DCAF6: variants seen among roughly 807,000 people sequenced by gnomAD.
DCAF6 encodes DDB1 and CUL4 associated factor 6.
Under a neutral mutation model 125.1 loss-of-function variants are expected in DCAF6, and 54 were observed. The observed-to-expected ratio is 0.43, with a 90% CI of 0.35 to 0.54. The LOEUF is 0.54. DCAF6 is among the 20% of genes least tolerant of loss of function. DCAF6 has a pLI of 0.01. For synonymous variants in DCAF6, 371 were observed against 390.4 expected (o/e 0.95, Z 0.58); for missense variants, 934 against 1,161.7 (o/e 0.80, Z 2.85).
chr1:167,874,112 A>G, the DCAF6 span, among the ~76,000 whole-genome samples: 1 of 152,210 alleles, frequency 6.6e-6, no homozygotes, highest in Non-Finnish European at 1.5e-5. Context: ...CAAGTGGATC[A>G]CTTGAAGTTA....
chr1:167,928,691 C>CAATG, the DCAF6 span, among the ~76,000 whole-genome samples: 1 of 152,140 alleles, frequency 6.6e-6, no homozygotes, highest in South Asian at 2.1e-4. Context: ...ATGTTCTGTA[C>CAATG]AATGACACAG....
intron 12 of DCAF6, among the ~76,000 whole-genome samples, chr1:168,030,032 C>T (rs1014632913): frequency 3.3e-5 from 5 of 151,700 alleles, no homozygotes; most frequent in African/African-American, 9.7e-5. Context: ...AGCTAGTAAG[C>T]GTTAGAAACG....
At chr1:167,977,933 C>A (rs1678503637) in intron 4 of DCAF6, among the ~76,000 whole-genome samples, 1 of 152,112 alleles carries the variant, frequency 6.6e-6, no homozygotes, top group African/African-American at 2.4e-5. Flanking sequence ...CTGGAGTTTT[C>A]TGTTTTTTCT....
the DCAF6 span, among the ~76,000 whole-genome samples, chr1:167,925,494 CAT>C: frequency 1.4e-4 from 18 of 125,216 alleles, no homozygotes; most frequent in Non-Finnish European, 2.0e-4. Context: ...TATACACACA[CAT>C]ATATATATAC....
rs188396084 is a variant in DCAF6 at position 167,973,145 on chromosome 1, A to G, written c.253-1685A>G. Among the ~76,000 whole-genome samples the G allele has an allele frequency of 1.5e-4, 23 of 152,320 alleles. No individual in the cohort carries two copies. The East Asian group carries it at 3.5e-3, about 23-fold the overall frequency. ...AAGAACATGATATTTATCTTGTTTAAAGGCTTTACGTTAATTACTCTCTCT... is the reference window on the plus strand; with the variant it reads ...AAGAACATGATATTTATCTTGTTTAGAGGCTTTACGTTAATTACTCTCTCT... On this transcript the variant is annotated intron_variant, in intron 3 of 21. Transcript: ENST00000367840.
chr1:168,001,708 G>A (rs953177805), intron 7 of DCAF6, among the ~76,000 whole-genome samples: 1 of 152,086 alleles, frequency 6.6e-6, no homozygotes, highest in South Asian at 2.1e-4. Context: ...AGAGAAAATG[G>A]ATGTAGGTAT....
At chr1:167,869,844 A>C in the DCAF6 span, among the ~76,000 whole-genome samples, 3 of 151,838 alleles carry the variant, frequency 2.0e-5, no homozygotes, top group African/African-American at 7.3e-5. Flanking sequence ...AGCTGATTAA[A>C]GCCACTCCCT....
intron 1 of DCAF6, among the ~76,000 whole-genome samples, chr1:167,949,393 C>G (rs775599904): frequency 2.6e-5 from 4 of 152,200 alleles, no homozygotes; most frequent in Non-Finnish European, 4.4e-5. Flanking sequence ...ATATTTGCAC[C>G]CAACACTGGA....
Position 167,936,988 on chromosome 1 carries a change from G to T in DCAF6, c.77G>T (p.Arg26Leu), listed in dbSNP as rs765393339. ...TCCCTCGGGCTGGAGGACCCGTCCC[G>T]GCTGCGGAGTCGCTACCTGGGTGAG... ...KRSLGLEDPS[R>L]LRSRYLGRRE... is the part of the protein sequence containing the mutation. Residue 26 changes from arginine (R) to leucine (L), a missense_variant, in exon 1 of 22, where the codon CGG (arginine) becomes CTG (leucine). Physicochemically the swap from Arg to Leu is moderately radical, Grantham distance 102. This residue lies in a region of DCAF6 where 309 missense variants were observed against 381.2 expected (regional missense o/e 0.81). Coordinates refer to ENST00000367840, the MANE Select transcript of DCAF6 (RefSeq NM_001198956.2). The T allele has an allele frequency of 4.3e-6, 7 of 1,610,332 alleles. No homozygotes were observed. The highest frequency in any genetic ancestry group is 2.2e-5 in the East Asian group (1 of 44,782).
At chr1:167,999,757 G>A (rs1000195424) in intron 7 of DCAF6, among the ~76,000 whole-genome samples, 6 of 152,234 alleles carry the variant, frequency 3.9e-5, no homozygotes, top group African/African-American at 1.4e-4. Flanking sequence ...TCTGGGTTAG[G>A]CTTTAGCTTA....
chr1:168,068,572 A>G lies in DCAF6; in HGVS notation c.2791+109A>G. On this transcript the variant is annotated intron_variant, in intron 21 of 21. Coordinates refer to ENST00000367840, the MANE Select transcript of DCAF6 (RefSeq NM_001198956.2). ...ATATATTTTTTAATATCACAAAATG[A>G]GGGTAGCTTAACTTCTAAACTAGGA... 3 of 503,524 alleles carry G rather than the reference A, an allele frequency of 6.0e-6. No homozygotes were observed. The African/African-American group carries it at 6.0e-5, about 10-fold the overall frequency. 31.2% of individuals were successfully genotyped at this position (503,524 alleles called of 1,614,324 possible).
intron 5 of DCAF6, among the ~76,000 whole-genome samples, chr1:167,990,250 C>T (rs1350333015): frequency 6.6e-6 from 1 of 151,990 alleles, no homozygotes; most frequent in Non-Finnish European, 1.5e-5. Context: ...CACCTGTAGT[C>T]CTAGCCACTT....
In DCAF6 at chr1:168,008,852, C is replaced by G. The variant is rs113187924; in HGVS notation, c.1378+4059C>G. On this transcript the variant is annotated intron_variant, in intron 10 of 21. Transcript: ENST00000367840. ...TGCCCTGCCCTGCCCTGCCCTCCCC[C>G]GCCCCACCCCGCCTCCACCCTGCCC... Among the ~76,000 whole-genome samples, 3 of 133,060 alleles carry G rather than the reference C, an allele frequency of 2.3e-5. No homozygotes were observed. The South Asian group carries it at 8.3e-4, about 37-fold the overall frequency. 87.3% of individuals were successfully genotyped at this position (133,060 alleles called of 152,430 possible). A position where few individuals can be genotyped will look rare whatever the true frequency, so the allele number is the denominator to read the frequency against.
chr1:167,940,795 T>C (rs988890996), intron 1 of DCAF6, among the ~76,000 whole-genome samples: 4 of 150,764 alleles, frequency 2.7e-5, no homozygotes, highest in African/African-American at 9.7e-5. Context: ...AATTAAAAGA[T>C]AGTAATTGAT....
rs1415892974 is a variant in DCAF6, at chr1:167,986,899, ATATTG to A, written c.439-593_439-589del. ...AGAAGTGGATACAGGCATATCTAAA[ATATTG>A]TACTTCATTAAAAAAGGTTTTTATG... On this transcript the variant is annotated intron_variant, in intron 4 of 21. Coordinates refer to ENST00000367840, the MANE Select transcript of DCAF6 (RefSeq NM_001198956.2). 2.6e-5 allele frequency among the ~76,000 whole-genome samples: 4 copies of A among 152,356 alleles called. No homozygotes were observed. The East Asian group carries it at 7.7e-4, about 29-fold the overall frequency.
chr1:167,969,884 C>A (rs1234649627), intron 3 of DCAF6, among the ~76,000 whole-genome samples: 2 of 152,200 alleles, frequency 1.3e-5, no homozygotes, highest in African/African-American at 2.4e-5. Flanking sequence ...TCAAGAGTTT[C>A]TCCTGCCTCA....
At position 167,945,001 on chromosome 1, in the gene DCAF6, T is replaced by C. The variant is rs965027307; in HGVS notation, c.98-6799T>C. 5.3e-5 allele frequency among the ~76,000 whole-genome samples: 8 copies of C among 152,344 alleles called. No homozygotes were observed. The East Asian group carries it at 1.2e-3, about 22-fold the overall frequency. ...GTTTCGTTTCCACAGTGTATGTTCT[T>C]GTCGGCTTTGTCAAACATCAGTTGG... On this transcript the variant is annotated intron_variant, in intron 1 of 21. Coordinates refer to ENST00000367840, the MANE Select transcript of DCAF6 (RefSeq NM_001198956.2).
intron 5 of DCAF6, among the ~76,000 whole-genome samples, chr1:167,989,511 G>A (rs1571829546): frequency 1.3e-5 from 2 of 152,192 alleles, no homozygotes; most frequent in African/African-American, 2.4e-5. Context: ...AAGGCATTTG[G>A]TTAATGAATT....
At chr1:168,067,368 A>G (rs1692468461) in intron 20 of DCAF6, among the ~76,000 whole-genome samples, 1 of 152,206 alleles carries the variant, frequency 6.6e-6, no homozygotes, top group Non-Finnish European at 1.5e-5. Context: ...GGTCTGTGTC[A>G]GTCAGAGGTA....
Sources: gnomAD v4.1 joint callset for allele counts (sites outside exome capture counted in the v4.1 genomes callset) on GRCh38, gnomAD v4.1.1 for gene constraint, gnomAD v4.1.1 regional missense constraint, MANE v1.5 for transcripts, NCBI Gene and HGNC (gene_info 2026-07-23, HGNC 2026-07-21) for gene names.